DAB1: variants seen among roughly 807,000 people sequenced by gnomAD.
DAB1 encodes disabled homolog 1.
Under a neutral mutation model 64.6 loss-of-function variants are expected in DAB1, and 15 were observed. The ratio of observed to expected loss-of-function variants is 0.23; its 90% CI spans 0.16 to 0.36. The LOEUF is 0.36. DAB1 is among the 10% of genes least tolerant of loss of function. The pLI is 1.00. For missense variants in DAB1, 596 were observed against 706.7 expected, an observed-to-expected ratio of 0.84 and a Z score of 1.78; for synonymous variants, 235 against 251.9, an observed-to-expected ratio of 0.93 and a Z score of 0.64.
intron 5 of DAB1, among the ~76,000 whole-genome samples, chr1:57,889,901 G>GC (rs1187132320): frequency 5.1e-4 from 37 of 72,622 alleles, no homozygotes; most frequent in African/African-American, 2.7e-3. Context: ...AACTGGGGCG[G>GC]GGGGGGGGGA....
chr1:58,204,961 T>G (rs1331292567), intron 4 of DAB1, among the ~76,000 whole-genome samples: 1 of 152,200 alleles, frequency 6.6e-6, no homozygotes, highest in African/African-American at 2.4e-5. Context: ...GTGTTACATA[T>G]GTGATAGTAT....
At chr1:58,208,123 T>C (rs1658373318) in intron 4 of DAB1, among the ~76,000 whole-genome samples, 1 of 152,088 alleles carries the variant, frequency 6.6e-6, no homozygotes, top group Non-Finnish European at 1.5e-5. Context: ...ACTGCCCCCA[T>C]GATTCAATTA....
At chr1:57,573,694 G>C (rs1645217512) in intron 7 of DAB1, among the ~76,000 whole-genome samples, 1 of 152,190 alleles carries the variant, frequency 6.6e-6, no homozygotes, top group South Asian at 2.1e-4. Context: ...GGGCTACTGA[G>C]CCTCCGTATG....
intron 6 of DAB1, among the ~76,000 whole-genome samples, chr1:57,668,029 AT>A (rs150757112): frequency 6.7e-6 from 1 of 149,798 alleles, no homozygotes; most frequent in African/African-American, 2.4e-5. Context: ...TTAAAGTAAA[AT>A]TTAAAAAAAA....
At chr1:57,133,179 C>T (rs1014670000) in intron 4 of DAB1, among the ~76,000 whole-genome samples, 4 of 152,182 alleles carry the variant, frequency 2.6e-5, no homozygotes, top group African/African-American at 7.2e-5. Context: ...TCTGTGGCAA[C>T]AAGGATGTTG....
At chr1:57,151,065 G>T (rs983558645) in intron 2 of DAB1, among the ~76,000 whole-genome samples, 2 of 152,126 alleles carry the variant, frequency 1.3e-5, no homozygotes, top group African/African-American at 4.8e-5. Flanking sequence ...GCCAATTAAT[G>T]TACTTGCAAA....
chr1:58,234,925 C>T (rs1343789745), intron 4 of DAB1, among the ~76,000 whole-genome samples: 1 of 152,214 alleles, frequency 6.6e-6, no homozygotes, highest in Non-Finnish European at 1.5e-5. Flanking sequence ...CAGAGAAAGA[C>T]AGGTATTTAT....
chr1:57,814,501 C>T (rs889098087), intron 6 of DAB1, among the ~76,000 whole-genome samples: 19 of 152,222 alleles, frequency 1.2e-4, no homozygotes, highest in Admixed American at 9.8e-4. Context: ...ATCAGGAAAG[C>T]GGCTTGCTGG....
intron 3 of DAB1, among the ~76,000 whole-genome samples, chr1:58,465,560 G>A (rs1429589944): frequency 6.6e-6 from 1 of 152,162 alleles, no homozygotes; most frequent in Non-Finnish European, 1.5e-5. Flanking sequence ...GAGCAGCTTC[G>A]TGGAAAGATG....
At chr1:57,953,047 C>T (rs375307325) in intron 5 of DAB1, among the ~76,000 whole-genome samples, 26 of 152,308 alleles carry the variant, frequency 1.7e-4, no homozygotes, top group Middle Eastern at 3.4e-3. Flanking sequence ...GATGGTGGCT[C>T]CCATGGAGTC....
chr1:58,494,418 G>C (rs1259155206), intron 3 of DAB1, among the ~76,000 whole-genome samples: 1 of 152,046 alleles, frequency 6.6e-6, no homozygotes, highest in Admixed American at 6.6e-5. Flanking sequence ...ATTGATAAAT[G>C]GGATCTAATT....
chr1:57,829,446 C>T (rs1007910953), intron 1 of DAB1, among the ~76,000 whole-genome samples: 2 of 152,108 alleles, frequency 1.3e-5, no homozygotes, highest in African/African-American at 4.8e-5. Flanking sequence ...AGAAGAATGC[C>T]GCCTATCTTA....
chr1:57,283,639 C>T (rs1039868138), intron 2 of DAB1, among the ~76,000 whole-genome samples: 14 of 152,206 alleles, frequency 9.2e-5, no homozygotes, highest in African/African-American at 3.1e-4. Context: ...ATGTGCTGAG[C>T]CTTGACTCCA....
chr1:57,048,144 C>A (rs944040893), intron 9 of DAB1, among the ~76,000 whole-genome samples: 1 of 152,136 alleles, frequency 6.6e-6, no homozygotes, highest in Non-Finnish European at 1.5e-5. Flanking sequence ...GTTTAAATAA[C>A]CCACCCAAGG....
intron 2 of DAB1, among the ~76,000 whole-genome samples, chr1:57,278,363 C>T (rs555207772): frequency 6.6e-6 from 1 of 152,292 alleles, no homozygotes; most frequent in African/African-American, 2.4e-5. Flanking sequence ...TTCCCACATT[C>T]CACTGATAAC....
At chr1:58,248,764 C>T (rs938007862) in intron 4 of DAB1, among the ~76,000 whole-genome samples, 58 of 152,110 alleles carry the variant, frequency 3.8e-4, no homozygotes, top group Admixed American at 3.4e-3. Flanking sequence ...TGTTGTAATA[C>T]TGCAGTGACA....
chr1:58,369,196 CT>C lies in DAB1; in HGVS notation n.258-25794del, dbSNP rs950241695. On this transcript the variant is annotated intron_variant and non_coding_transcript_variant, in intron 3 of 20. Transcript: ENST00000485760. ...TTATTTTGTAGAGGCCCTTTATTGGCTTTTTTCCCCCTCCATGTTTCATATT... is the reference window on the plus strand; with the variant it reads ...TTATTTTGTAGAGGCCCTTTATTGGCTTTTTCCCCCTCCATGTTTCATATT... Among the ~76,000 whole-genome samples, 14 of 152,268 alleles carry C rather than the reference CT, an allele frequency of 9.2e-5. No homozygotes were observed. In the East Asian group the frequency reaches 2.5e-3, roughly 27 times the overall value.
At chr1:57,685,892 C>T (rs549937726) in intron 6 of DAB1, among the ~76,000 whole-genome samples, 1 of 152,238 alleles carries the variant, frequency 6.6e-6, no homozygotes, top group East Asian at 1.9e-4. Flanking sequence ...ACCAAAATCT[C>T]TGAGATACAG....
At chr1:58,345,560 G>C (rs879859603) in intron 3 of DAB1, among the ~76,000 whole-genome samples, 1 of 152,134 alleles carries the variant, frequency 6.6e-6, no homozygotes, top group Non-Finnish European at 1.5e-5. Context: ...CTCTAATGGG[G>C]GCTGTCAGGT....
Sources: allele counts gnomAD v4.1 joint callset (sites outside exome capture counted in the v4.1 genomes callset), GRCh38; gene constraint gnomAD v4.1.1; transcripts MANE v1.5; gene names NCBI Gene and HGNC (gene_info 2026-07-23, HGNC 2026-07-21).